The following PTPRT variants were observed in gnomAD, a reference collection of about 807,000 sequenced individuals.
The protein encoded by PTPRT is protein tyrosine phosphatase receptor type T.
In PTPRT, 56 loss-of-function variants were observed where a neutral mutation model predicts 176.8. That is an observed-to-expected ratio of 0.32 (90% CI 0.26 to 0.40). PTPRT has a LOEUF of 0.40. PTPRT is among the 10% of genes least tolerant of loss of function. The pLI is 1.00. For synonymous variants in PTPRT, 783 were observed against 739.0 expected (o/e 1.06, Z -0.96); for missense variants, 1,540 against 1,908.2 (o/e 0.81, Z 3.60).
intron 7 of PTPRT, among the ~76,000 whole-genome samples, chr20:42,508,892 T>C (rs2071898351): frequency 6.9e-6 from 1 of 145,006 alleles, no homozygotes; most frequent in Admixed American, 7.1e-5. Context: ...ATATTTAATT[T>C]ATAAATATAA....
chr20:42,294,665 T>A (rs540024046), intron 12 of PTPRT, among the ~76,000 whole-genome samples: 5 of 151,512 alleles, frequency 3.3e-5, no homozygotes, highest in African/African-American at 1.2e-4. Flanking sequence ...ACACCACAAA[T>A]GATGAAAATC....
chr20:42,291,064 A>G (rs2057309522), intron 12 of PTPRT, among the ~76,000 whole-genome samples: 2 of 152,116 alleles, frequency 1.3e-5, no homozygotes, highest in Admixed American at 1.3e-4. Flanking sequence ...TATTTTGTCT[A>G]AGACTGAGCT....
intron 1 of PTPRT, among the ~76,000 whole-genome samples, chr20:43,010,180 C>T (rs766409731): frequency 5.3e-5 from 8 of 152,142 alleles, no homozygotes; most frequent in Non-Finnish European, 1.2e-4. Flanking sequence ...CCCACACTGA[C>T]CCACCTGTGT....
At chr20:42,749,463 A>G (rs6093729) in intron 6 of PTPRT, among the ~76,000 whole-genome samples, 75,624 of 151,982 alleles carry the variant, frequency 0.5, 19,062 homozygotes, top group Non-Finnish European at 0.54. Flanking sequence ...AGGGTCTACC[A>G]TACTGGATTT....
At chr20:42,034,727 T>C in the PTPRT span, among the ~76,000 whole-genome samples, 1 of 152,190 alleles carries the variant, frequency 6.6e-6, no homozygotes, top group Non-Finnish European at 1.5e-5. Flanking sequence ...TTAGGTAGTT[T>C]AAATGGTTTT....
chr20:43,189,658 G>A lies in PTPRT; in HGVS notation c.76C>T (p.Gln26Ter). 1 of 1,309,272 alleles carries A rather than the reference G, an allele frequency of 7.6e-7. No individual in the cohort carries two copies. 81.1% of individuals were successfully genotyped at this position (1,309,272 alleles called of 1,614,324 possible). Residue 26 changes from glutamine to a stop codon, truncating the protein, a stop_gained, in exon 1 of 31, where the codon CAG (glutamine) becomes TAG (stop). Transcript: ENST00000373187. LOFTEE classifies it high-confidence loss of function. The surrounding 1 kb of genome is among the most constrained non-coding windows in gnomAD (Gnocchi z 5.0). ...QLPPLPGARA[Q>*]SAAGGCSFDE... is the part of the protein sequence containing the mutation. Reference sequence around the variant, plus strand: ...CGGGCGCACTCACCTGCGGCGCTCTGAGCCCGGGCGCCGGGCAGTGGCGGC... The same window carrying A: ...CGGGCGCACTCACCTGCGGCGCTCTAAGCCCGGGCGCCGGGCAGTGGCGGC...
Position 42,848,342 on chromosome 20 carries a change from G to A in PTPRT, c.214+37465C>T, listed in dbSNP as rs552419012. On this transcript the variant is annotated intron_variant, in intron 2 of 30. Transcript: ENST00000373187. ...TTCTTTTCCTTTGGGTAGATACCCA[G>A]TAGTGGGATTGCTGGATCAAATGGT... 3.9e-5 allele frequency among the ~76,000 whole-genome samples: 6 copies of A among 152,308 alleles called. No individual in the cohort carries two copies. In the South Asian group the frequency reaches 1.2e-3, roughly 32 times the overall value.
At chr20:42,323,881 A>G (rs1444652133) in intron 11 of PTPRT, among the ~76,000 whole-genome samples, 1 of 152,226 alleles carries the variant, frequency 6.6e-6, no homozygotes, top group Non-Finnish European at 1.5e-5. Flanking sequence ...AGTGTTTGAA[A>G]GAATGTGGAA....
At chr20:42,291,557 G>A in intron 12 of PTPRT, among the ~76,000 whole-genome samples, 1 of 152,292 alleles carries the variant, frequency 6.6e-6, no homozygotes, top group East Asian at 1.9e-4. Context: ...TGCTGTGCAT[G>A]TGTAAGGGAG....
intron 9 of PTPRT, among the ~76,000 whole-genome samples, chr20:42,371,488 T>C (rs1280958822): frequency 6.7e-6 from 1 of 150,076 alleles, no homozygotes; most frequent in Non-Finnish European, 1.5e-5. Flanking sequence ...TTCACATTTA[T>C]CTGTTTATCT....
At chr20:42,034,002 T>G in the PTPRT span, among the ~76,000 whole-genome samples, 2 of 152,190 alleles carry the variant, frequency 1.3e-5, no homozygotes. Context: ...TTAATTAATA[T>G]ATCAGGTATA....
At chr20:43,079,013 C>T (rs560503458) in intron 1 of PTPRT, among the ~76,000 whole-genome samples, 5 of 152,280 alleles carry the variant, frequency 3.3e-5, no homozygotes, top group African/African-American at 1.2e-4. Flanking sequence ...CTGTTCTAGA[C>T]CCATTTTTCA....
At chr20:42,915,421 TG>T (rs1382284891) in intron 1 of PTPRT, among the ~76,000 whole-genome samples, 1 of 152,232 alleles carries the variant, frequency 6.6e-6, no homozygotes, top group Middle Eastern at 3.2e-3. Flanking sequence ...TGTGGGGGCC[TG>T]GCTGCTCTCC....
intron 12 of PTPRT, among the ~76,000 whole-genome samples, chr20:42,283,145 A>T (rs1182456144): frequency 6.6e-6 from 1 of 152,150 alleles, no homozygotes; most frequent in Admixed American, 6.6e-5. Context: ...GCTGTTGCCA[A>T]AGTAAAAAGG....
chr20:42,433,896 A>AGTTCACTCTT (rs1205158109), intron 9 of PTPRT, among the ~76,000 whole-genome samples: 7 of 152,210 alleles, frequency 4.6e-5, no homozygotes, highest in African/African-American at 1.7e-4. Flanking sequence ...AAAAAGATCC[A>AGTTCACTCTT]GTTCACTCTT....
At chr20:42,986,691 T>G (rs1268356450) in intron 1 of PTPRT, among the ~76,000 whole-genome samples, 1 of 152,110 alleles carries the variant, frequency 6.6e-6, no homozygotes, top group African/African-American at 2.4e-5. Context: ...GGGAAGGAGT[T>G]TACATGGATT....
intron 2 of PTPRT, among the ~76,000 whole-genome samples, chr20:42,844,500 G>T (rs1024937943): frequency 6.6e-6 from 1 of 152,144 alleles, no homozygotes; most frequent in South Asian, 2.1e-4. Context: ...TTTCAGAAAT[G>T]ACAATGGATT....
At chr20:42,035,379 A>C in the PTPRT span, among the ~76,000 whole-genome samples, 1 of 152,194 alleles carries the variant, frequency 6.6e-6, no homozygotes, top group Non-Finnish European at 1.5e-5. Flanking sequence ...CTGTTTACAA[A>C]ATATAATGTA....
chr20:43,011,124 T>C (rs1220840378), intron 1 of PTPRT, among the ~76,000 whole-genome samples: 1 of 152,194 alleles, frequency 6.6e-6, no homozygotes, highest in East Asian at 1.9e-4. Context: ...TTCTTATTCA[T>C]TCACTTCTTC....
Sources: allele counts gnomAD v4.1 joint callset (sites outside exome capture counted in the v4.1 genomes callset), GRCh38; gene constraint gnomAD v4.1.1; non-coding constraint Gnocchi (gnomAD v3.1); transcripts MANE v1.5; gene names NCBI Gene and HGNC (gene_info 2026-07-23, HGNC 2026-07-21).